The following ATP10B variants were observed in gnomAD, a reference collection of about 807,000 sequenced individuals.
ATP10B encodes phospholipid-transporting ATPase VB.
In ATP10B, 122 loss-of-function variants were observed where a neutral mutation model predicts 141.2. That is an observed-to-expected ratio of 0.86 (90% CI 0.75 to 1.00). The LOEUF (loss-of-function observed/expected upper bound fraction) is 1.00. Among genes scored for constraint, ATP10B ranks in the 50% least tolerant of loss-of-function variants. ATP10B has a pLI of 0.00. For missense variants in ATP10B, 1,876 were observed against 1,825.3 expected (o/e 1.03, Z -0.51); for synonymous variants, 685 against 692.0 (o/e 0.99, Z 0.16).
At chr5:160,716,532 A>G (rs1397703054) in intron 3 of ATP10B, among the ~76,000 whole-genome samples, 3 of 152,216 alleles carry the variant, frequency 2.0e-5, no homozygotes, top group Non-Finnish European at 4.4e-5. Flanking sequence ...CTTGCCTCAT[A>G]AAACAAACAG....
At chr5:160,600,178 T>A (rs530115312) in intron 21 of ATP10B, among the ~76,000 whole-genome samples, 2 of 152,318 alleles carry the variant, frequency 1.3e-5, no homozygotes, top group African/African-American at 4.8e-5. Flanking sequence ...TACGTTATTG[T>A]ACTGATATAT....
upstream of ATP10B, among the ~76,000 whole-genome samples, chr5:160,855,675 A>T (rs1223039045): frequency 6.6e-6 from 1 of 151,868 alleles, no homozygotes; most frequent in African/African-American, 2.4e-5. Context: ...GCATACTTCT[A>T]AATCTTAAAT....
At chr5:160,579,993 T>C (rs1336936751) in intron 24 of ATP10B, among the ~76,000 whole-genome samples, 2 of 152,206 alleles carry the variant, frequency 1.3e-5, no homozygotes, top group Non-Finnish European at 2.9e-5. Flanking sequence ...GGAATGCTTG[T>C]GATTTTTGTA....
intron 2 of ATP10B, among the ~76,000 whole-genome samples, chr5:160,753,896 C>T (rs1768337494): frequency 6.6e-6 from 1 of 152,174 alleles, no homozygotes; most frequent in Non-Finnish European, 1.5e-5. Context: ...CTCTGTCTGG[C>T]TTCTGATCCC....
the ATP10B span, among the ~76,000 whole-genome samples, chr5:160,893,562 T>C: frequency 6.6e-6 from 1 of 152,096 alleles, no homozygotes; most frequent in Non-Finnish European, 1.5e-5. Context: ...AGCTTATAGA[T>C]AAAACTCTCT....
intron 3 of ATP10B, among the ~76,000 whole-genome samples, chr5:160,698,713 A>C (rs926112251): frequency 1.3e-5 from 2 of 152,182 alleles, no homozygotes; most frequent in Admixed American, 1.3e-4. Flanking sequence ...ATGGAAAGGT[A>C]CTGAATAGGC....
chr5:160,663,755 G>A (rs768401284), intron 7 of ATP10B, among the ~76,000 whole-genome samples: 5 of 150,610 alleles, frequency 3.3e-5, no homozygotes, highest in Non-Finnish European at 4.4e-5. Flanking sequence ...AAACCTGCAC[G>A]TTGTGCACAT....
intron 1 of ATP10B, among the ~76,000 whole-genome samples, chr5:160,809,397 A>T (rs1459391291): frequency 4.6e-5 from 7 of 151,988 alleles, no homozygotes; most frequent in South Asian, 4.2e-4. Flanking sequence ...GTTTAAAAAA[A>T]TTTTTTTTCT....
chr5:160,827,205 C>G (rs1402952680), intron 1 of ATP10B, among the ~76,000 whole-genome samples: 1 of 152,212 alleles, frequency 6.6e-6, no homozygotes, highest in African/African-American at 2.4e-5. Flanking sequence ...TAAAATTCCT[C>G]TCTTTGTACT....
chr5:160,660,898 G>A (rs979544228), intron 7 of ATP10B, among the ~76,000 whole-genome samples: 2 of 152,100 alleles, frequency 1.3e-5, no homozygotes, highest in African/African-American at 2.4e-5. Flanking sequence ...ATAAGAAATC[G>A]TACAGGGGCT....
intron 1 of ATP10B, among the ~76,000 whole-genome samples, chr5:160,841,337 A>G (rs1267735364): frequency 6.6e-6 from 1 of 152,204 alleles, no homozygotes; most frequent in African/African-American, 2.4e-5. Flanking sequence ...GTTACCTTGT[A>G]TAAAAGAAAG....
chr5:160,808,671 C>G (rs868159873), intron 1 of ATP10B, among the ~76,000 whole-genome samples: 1 of 152,158 alleles, frequency 6.6e-6, no homozygotes, highest in East Asian at 1.9e-4. Context: ...CCCATTCAAC[C>G]CAAATTAGCC....
At chr5:160,901,970 T>C in the ATP10B span, among the ~76,000 whole-genome samples, 1 of 152,186 alleles carries the variant, frequency 6.6e-6, no homozygotes, top group Non-Finnish European at 1.5e-5. Flanking sequence ...AAAGTTAATT[T>C]GCCCAAGGTC....
chr5:160,645,942 TG>T (rs1411110567), intron 8 of ATP10B, among the ~76,000 whole-genome samples: 1 of 152,192 alleles, frequency 6.6e-6, no homozygotes, highest in Non-Finnish European at 1.5e-5. Context: ...AAAACTAGTC[TG>T]GCCCCAGAGT....
chr5:160,766,337 A>ACAC (rs1769410603), intron 2 of ATP10B, among the ~76,000 whole-genome samples: 1 of 140,400 alleles, frequency 7.1e-6, no homozygotes, highest in South Asian at 2.3e-4. Flanking sequence ...GGATAAAGAG[A>ACAC]ACACACACAC....
intron 1 of ATP10B, among the ~76,000 whole-genome samples, chr5:160,809,395 A>T (rs1772996398): frequency 6.6e-6 from 1 of 152,330 alleles, no homozygotes; most frequent in Non-Finnish European, 1.5e-5. Flanking sequence ...AAGTTTAAAA[A>T]AATTTTTTTT....
chr5:160,582,497 TAC>T (rs1269653744), intron 24 of ATP10B, among the ~76,000 whole-genome samples: 1 of 152,240 alleles, frequency 6.6e-6, no homozygotes. Flanking sequence ...GTAGGATTTT[TAC>T]AGAGATATCT....
chr5:160,718,748 C>G lies in ATP10B; in HGVS notation c.-330-1714G>C, dbSNP rs534356547. 2.6e-5 allele frequency among the ~76,000 whole-genome samples: 4 copies of G among 152,264 alleles called. No homozygotes were observed. In the South Asian group the frequency reaches 8.3e-4, roughly 32 times the overall value. Reference sequence around the variant, plus strand: ...CTCACTCACTACCTTGGGAATGGCACCAAGCCACCCAAGAGGGATCCGACC... The same window carrying G: ...CTCACTCACTACCTTGGGAATGGCAGCAAGCCACCCAAGAGGGATCCGACC... On this transcript the variant is annotated intron_variant, in intron 2 of 25. Coordinates refer to ENST00000327245, the MANE Select transcript of ATP10B (RefSeq NM_025153.3).
chr5:160,648,800 T>C (rs1581260046), intron 8 of ATP10B, among the ~76,000 whole-genome samples: 1 of 152,198 alleles, frequency 6.6e-6, no homozygotes, highest in Non-Finnish European at 1.5e-5. Context: ...CCCAGATCTG[T>C]CCAATTCCAA....
Sources: allele counts gnomAD v4.1 joint callset (sites outside exome capture counted in the v4.1 genomes callset), GRCh38; gene constraint gnomAD v4.1.1; transcripts MANE v1.5; gene names NCBI Gene and HGNC (gene_info 2026-07-23, HGNC 2026-07-21).